Variants in PAPPA2 observed in about 807,000 individuals in gnomAD.
PAPPA2 encodes pappalysin 2.
A neutral mutation model predicts 176.4 loss-of-function variants in PAPPA2; 86 were observed. The observed-to-expected ratio is 0.49, with a 90% CI of 0.41 to 0.58. The LOEUF is 0.58. PAPPA2 is among the 20% of genes least tolerant of loss of function. PAPPA2 has a pLI of 0.00. For missense variants in PAPPA2, 2,073 were observed against 2,256.9 expected (o/e 0.92, Z 1.65); for synonymous variants, 809 against 852.2 (o/e 0.95, Z 0.88).
At chr1:176,823,610 C>T (rs1355199248) in intron 21 of PAPPA2, among the ~76,000 whole-genome samples, 1 of 152,140 alleles carries the variant, frequency 6.6e-6, no homozygotes, top group East Asian at 1.9e-4. Flanking sequence ...TCATTTCTTC[C>T]ATCTTATTAC....
intron 1 of PAPPA2, among the ~76,000 whole-genome samples, chr1:176,480,407 C>T (rs1298441788): frequency 2.6e-5 from 4 of 152,130 alleles, no homozygotes; most frequent in Non-Finnish European, 4.4e-5. Context: ...GGGACAGGTA[C>T]CCACATCAGG....
At chr1:176,817,493 A>G (rs1166430724) in intron 21 of PAPPA2, among the ~76,000 whole-genome samples, 4 of 152,176 alleles carry the variant, frequency 2.6e-5, no homozygotes, top group African/African-American at 9.7e-5. Context: ...AATGTAGTCC[A>G]TGGAAGAGTG....
intron 12 of PAPPA2, among the ~76,000 whole-genome samples, chr1:176,722,321 A>AT (rs546265387): frequency 0.12 from 16,599 of 142,612 alleles, 927 homozygotes; most frequent in South Asian, 0.19. Context: ...TCCTTTCAAG[A>AT]TTTTTTTTTT....
At chr1:176,764,476 C>T (rs1404921232) in intron 14 of PAPPA2, among the ~76,000 whole-genome samples, 2 of 152,116 alleles carry the variant, frequency 1.3e-5, no homozygotes, top group Non-Finnish European at 2.9e-5. Flanking sequence ...CCAAATCGCA[C>T]AGATGTTAAA....
chr1:176,673,977 G>T (rs1002584369), intron 4 of PAPPA2, among the ~76,000 whole-genome samples: 2 of 151,894 alleles, frequency 1.3e-5, no homozygotes, highest in African/African-American at 4.8e-5. Context: ...CTAGAGAAAT[G>T]GAAATCACAA....
At chr1:176,700,273 G>C (rs1660592920) in intron 8 of PAPPA2, among the ~76,000 whole-genome samples, 1 of 152,222 alleles carries the variant, frequency 6.6e-6, no homozygotes, top group South Asian at 2.1e-4. Context: ...TCTGGAGCAG[G>C]AGGCTGGTAC....
chr1:176,816,679 T>C (rs954273658), intron 21 of PAPPA2, among the ~76,000 whole-genome samples: 26 of 152,094 alleles, frequency 1.7e-4, no homozygotes, highest in African/African-American at 6.0e-4. Context: ...AAGGGAAAGA[T>C]ATAAAAACAA....
intron 12 of PAPPA2, among the ~76,000 whole-genome samples, chr1:176,723,330 C>T (rs1209978064): frequency 6.6e-6 from 1 of 152,054 alleles, no homozygotes; most frequent in African/African-American, 2.4e-5. Flanking sequence ...TAAAACTCAT[C>T]CAGGAGTAAT....
intron 21 of PAPPA2, among the ~76,000 whole-genome samples, chr1:176,817,890 T>C (rs1175626640): frequency 6.6e-6 from 1 of 152,022 alleles, no homozygotes; most frequent in Non-Finnish European, 1.5e-5. Flanking sequence ...GAGGAACGTA[T>C]GGATGCTAAT....
At chr1:176,607,990 A>T (rs2102673009) in intron 3 of PAPPA2, among the ~76,000 whole-genome samples, 1 of 152,342 alleles carries the variant, frequency 6.6e-6, no homozygotes, top group South Asian at 2.1e-4. Flanking sequence ...ACACCCACAA[A>T]CAAGTATGAG....
chr1:176,609,472 A>G (rs1216551697), intron 3 of PAPPA2, among the ~76,000 whole-genome samples: 1 of 152,234 alleles, frequency 6.6e-6, no homozygotes, highest in East Asian at 1.9e-4. Flanking sequence ...GGAAACAGAG[A>G]GTACTTGCCA....
chr1:176,839,412 C>T (rs1176367196), intron 21 of PAPPA2, among the ~76,000 whole-genome samples: 1 of 152,202 alleles, frequency 6.6e-6, no homozygotes, highest in Non-Finnish European at 1.5e-5. Context: ...CATTTTAGTT[C>T]GTGCTGATTT....
chr1:176,770,681 G>A (rs1298703682), intron 16 of PAPPA2, among the ~76,000 whole-genome samples: 1 of 152,124 alleles, frequency 6.6e-6, no homozygotes, highest in Non-Finnish European at 1.5e-5. Flanking sequence ...TTTATTATAT[G>A]TAGGTAGGAA....
At chr1:176,534,961 G>A (rs1046022672) in intron 1 of PAPPA2, among the ~76,000 whole-genome samples, 1 of 152,102 alleles carries the variant, frequency 6.6e-6, no homozygotes, top group Non-Finnish European at 1.5e-5. Flanking sequence ...ACTGGGGTGC[G>A]AGAGGATCCA....
chr1:176,528,279 G>T (rs890090452), intron 1 of PAPPA2, among the ~76,000 whole-genome samples: 1 of 152,102 alleles, frequency 6.6e-6, no homozygotes, highest in African/African-American at 2.4e-5. Context: ...TGAGATTTTT[G>T]AACTTTCCTA....
Position 176,793,574 on chromosome 1 carries a change from C to A in PAPPA2, c.5035C>A (p.Pro1679Thr), listed in dbSNP as rs201107920. The part of the protein sequence containing the change: ...QGYGIGAVCS[P>T]LCVIPPSDPV... ...TGTTCTTTCAGGTGCAGTGTGTTCCCCATTGTGTGTAATCCCCCCCAGTGA... is the reference window on the plus strand; with the variant it reads ...TGTTCTTTCAGGTGCAGTGTGTTCCACATTGTGTGTAATCCCCCCCAGTGA... Residue 1679 changes from proline (P) to threonine (T), a missense_variant, in exon 20 of 23, where the codon CCA (proline) becomes ACA (threonine). Coordinates refer to ENST00000367662, the MANE Select transcript of PAPPA2 (RefSeq NM_020318.3). 501 of 1,611,186 alleles carry A rather than the reference C, an allele frequency of 3.1e-4. 9 individuals are homozygous for A. The East Asian group carries it at 0.011, about 36-fold the overall frequency.
chr1:176,502,285 A>G (rs1489399199), intron 1 of PAPPA2, among the ~76,000 whole-genome samples: 1 of 152,218 alleles, frequency 6.6e-6, no homozygotes, highest in Non-Finnish European at 1.5e-5. Flanking sequence ...CTTAAATGAT[A>G]TTAGTGAAGT....
chr1:176,796,642 T>C (rs1288899087), intron 20 of PAPPA2, among the ~76,000 whole-genome samples: 2 of 151,154 alleles, frequency 1.3e-5, no homozygotes, highest in African/African-American at 2.4e-5. Context: ...TTCTTTCTTT[T>C]CTTTTCTTTC....
chr1:176,540,675 C>A (rs186879488), intron 1 of PAPPA2, among the ~76,000 whole-genome samples: 26 of 152,246 alleles, frequency 1.7e-4, no homozygotes, highest in African/African-American at 6.3e-4. Flanking sequence ...GTTCAAAGGG[C>A]AAGATGAGGC....
Sources: gnomAD v4.1 joint callset for allele counts (sites outside exome capture counted in the v4.1 genomes callset) on GRCh38, gnomAD v4.1.1 for gene constraint, MANE v1.5 for transcripts, NCBI Gene and HGNC (gene_info 2026-07-23, HGNC 2026-07-21) for gene names.